The following DLC1 variants were observed in gnomAD, a reference collection of about 807,000 sequenced individuals.
The protein encoded by DLC1 is rho GTPase-activating protein 7.
DLC1 carries 54 observed loss-of-function variants against 140.3 expected under a neutral mutation model. The observed-to-expected ratio is 0.38, with a 90% CI of 0.31 to 0.48. The LOEUF is 0.48. Among genes scored for constraint, DLC1 ranks in the 20% least tolerant of loss-of-function variants. The pLI is 0.96. For missense variants in DLC1, 2,536 were observed against 1,907.0 expected (o/e 1.33, Z -6.14); for synonymous variants, 986 against 728.1 (o/e 1.35, Z -5.70).
At chr8:13,501,436 C>A (rs913056483) in intron 1 of DLC1, among the ~76,000 whole-genome samples, 5 of 152,176 alleles carry the variant, frequency 3.3e-5, no homozygotes, top group African/African-American at 1.2e-4. Context: ...ATTCACAGAG[C>A]AGACACTTTT....
intron 2 of DLC1, among the ~76,000 whole-genome samples, chr8:13,471,447 A>C (rs1037229061): frequency 1.3e-5 from 2 of 150,386 alleles, no homozygotes; most frequent in Admixed American, 6.6e-5. Context: ...TATGTTGTGG[A>C]AAAAAGAGTG....
intron 5 of DLC1, among the ~76,000 whole-genome samples, chr8:13,211,400 C>T (rs557662541): frequency 1.3e-5 from 2 of 152,186 alleles, no homozygotes; most frequent in African/African-American, 4.8e-5. Context: ...GTCTATGGAA[C>T]ACCGTTTTGC....
intron 4 of DLC1, among the ~76,000 whole-genome samples, chr8:13,330,324 C>A (rs1314123850): frequency 6.6e-6 from 1 of 152,136 alleles, no homozygotes; most frequent in Admixed American, 6.5e-5. Flanking sequence ...TCAAAATAAC[C>A]CAGCACAACC....
intron 2 of DLC1, among the ~76,000 whole-genome samples, chr8:13,490,994 C>T (rs978580158): frequency 5.4e-5 from 8 of 147,430 alleles, no homozygotes; most frequent in Non-Finnish European, 1.2e-4. Flanking sequence ...TATATACACA[C>T]ACACACATAT....
chr8:13,342,245 A>G (rs981887861), intron 4 of DLC1: 2 of 152,246 alleles, frequency 1.3e-5, no homozygotes, highest in African/African-American at 2.4e-5. Flanking sequence ...ACTGAAAAAC[A>G]GTCACCTCCT....
At chr8:13,323,688 G>C in intron 4 of DLC1, among the ~76,000 whole-genome samples, 1 of 152,088 alleles carries the variant, frequency 6.6e-6, no homozygotes, top group Non-Finnish European at 1.5e-5. Context: ...TCAGGCATAT[G>C]GTATTCGTGC....
chr8:13,099,919 C>G lies in DLC1; in HGVS notation c.2418G>C (p.Val806=). 2 of 1,614,044 alleles carry G rather than the reference C, an allele frequency of 1.2e-6. No homozygotes were observed. Among genetic ancestry groups the G allele is most frequent in the Non-Finnish European group, 1.7e-6 (2 of 1,180,046 alleles). The change falls in exon 9 of 18, where the codon GTG becomes GTC. Residue 806 remains valine (V), a synonymous_variant. Transcript: ENST00000276297. ...GCTTGTGATCTTCAGGGATGTAGAACACCGTGTCCTCTGGGTAGCTCTCGC... is the reference window on the plus strand; with the variant it reads ...GCTTGTGATCTTCAGGGATGTAGAAGACCGTGTCCTCTGGGTAGCTCTCGC... ...KNRESYPEDT[V]FYIPEDHKPG...
chr8:13,219,405 A>G (rs1053755335), intron 5 of DLC1, among the ~76,000 whole-genome samples: 8 of 146,706 alleles, frequency 5.5e-5, no homozygotes, highest in Middle Eastern at 3.6e-3. Flanking sequence ...TTATACTTAT[A>G]TAATTCATAT....
intron 5 of DLC1, among the ~76,000 whole-genome samples, chr8:13,283,207 CAA>C (rs1469082195): frequency 5.3e-5 from 8 of 151,988 alleles, no homozygotes; most frequent in East Asian, 3.9e-4. Context: ...TGGTAGGACT[CAA>C]AAGATTGCAG....
intron 5 of DLC1, among the ~76,000 whole-genome samples, chr8:13,291,403 A>G (rs2117462407): frequency 6.6e-6 from 1 of 152,344 alleles, no homozygotes. Flanking sequence ...ACTAATATGT[A>G]AATTTATTTC....
intron 2 of DLC1, among the ~76,000 whole-genome samples, chr8:13,414,644 A>AAAAG (rs1314437295): frequency 6.6e-6 from 1 of 152,226 alleles, no homozygotes; most frequent in Non-Finnish European, 1.5e-5. Flanking sequence ...CTCTATATGG[A>AAAAG]AAAGATAAGA....
At chr8:13,090,807 T>G (rs1406310301) in intron 14 of DLC1, among the ~76,000 whole-genome samples, 2 of 97,680 alleles carry the variant, frequency 2.0e-5, no homozygotes, top group Non-Finnish European at 4.2e-5. Flanking sequence ...CTTTCTTTCT[T>G]TCTTTTTTTT....
At chr8:13,355,235 CA>C (rs796931578) in intron 4 of DLC1, among the ~76,000 whole-genome samples, 21 of 152,188 alleles carry the variant, frequency 1.4e-4, no homozygotes, top group African/African-American at 4.6e-4. Context: ...CCTGTAATCC[CA>C]ACACCTAGGG....
intron 5 of DLC1, among the ~76,000 whole-genome samples, chr8:13,209,030 A>G (rs1194565702): frequency 2.0e-5 from 3 of 152,190 alleles, no homozygotes; most frequent in Admixed American, 2.0e-4. Context: ...AACGAATGTT[A>G]AGAATAACTT....
chr8:13,455,158 A>G (rs1351667440), intron 2 of DLC1, among the ~76,000 whole-genome samples: 1 of 152,184 alleles, frequency 6.6e-6, no homozygotes, highest in Non-Finnish European at 1.5e-5. Flanking sequence ...TTTTTTATTT[A>G]TTAAAGCAAA....
At chr8:13,368,180 A>T (rs1031294387) in intron 4 of DLC1, among the ~76,000 whole-genome samples, 1 of 152,206 alleles carries the variant, frequency 6.6e-6, no homozygotes, top group Non-Finnish European at 1.5e-5. Flanking sequence ...TTTTAAACAG[A>T]TTAGATTTGA....
chr8:13,456,049 A>T (rs1283522847), intron 2 of DLC1, among the ~76,000 whole-genome samples: 2 of 152,200 alleles, frequency 1.3e-5, no homozygotes, highest in Non-Finnish European at 2.9e-5. Flanking sequence ...CTAAAGAATT[A>T]AAAAGCTTTG....
intron 1 of DLC1, among the ~76,000 whole-genome samples, chr8:13,535,599 A>T (rs1803249204): frequency 1.3e-5 from 2 of 149,428 alleles, no homozygotes; most frequent in Non-Finnish European, 3.0e-5. Context: ...GGAAAGACCC[A>T]TCTGTCTTCT....
chr8:13,225,936 G>C (rs940720032), intron 5 of DLC1, among the ~76,000 whole-genome samples: 15 of 151,990 alleles, frequency 9.9e-5, no homozygotes, highest in Non-Finnish European at 2.2e-4. Context: ...TTTTTGAGAA[G>C]CGGTCTCCCT....
Sources: gnomAD v4.1 joint callset for allele counts (sites outside exome capture counted in the v4.1 genomes callset) on GRCh38, gnomAD v4.1.1 for gene constraint, MANE v1.5 for transcripts, NCBI Gene and HGNC (gene_info 2026-07-23, HGNC 2026-07-21) for gene names.